TPSG1: variants seen among roughly 807,000 people sequenced by gnomAD.
The protein encoded by TPSG1 is tryptase gamma.
Under a neutral mutation model 23.8 loss-of-function variants are expected in TPSG1, and 43 were observed. That is an observed-to-expected ratio of 1.81 (90% confidence interval 1.42 to 2.33). The LOEUF is 2.33. TPSG1 is among the 30% of genes most tolerant of loss of function. The pLI is 0.00. For synonymous variants in TPSG1, 302 were observed against 201.3 expected (o/e 1.50, Z -4.23); for missense variants, 623 against 438.6 (o/e 1.42, Z -3.75).
At chr16:1,224,182 T>C (rs895877514) in intron 2 of TPSG1, 1 of 204,668 alleles carries the variant, frequency 4.9e-6, no homozygotes, top group African/African-American at 2.4e-5. Flanking sequence ...GTGCTGGTGA[T>C]GGAGTGTGGC....
rs780522751 is a variant in TPSG1, at chr16:1,222,345, G to C, written c.512-4C>G. 48 of 1,586,578 alleles carry C rather than the reference G, an allele frequency of 3.0e-5. No homozygotes were observed. The African/African-American group carries it at 6.2e-4, about 20-fold the overall frequency. On this transcript the variant is annotated splice_polypyrimidine_tract_variant and splice_region_variant and intron_variant, in intron 4 of 5. Coordinates refer to ENST00000234798, the MANE Select transcript of TPSG1 (RefSeq NM_012467.4). ...CTGTACGGGGGTGGCAGAGGCTCTG[G>C]GGTGGGGGGAACAGGCTTCAGAGAA...
intron 3 of TPSG1, 86 bp from the exon 4 acceptor site, chr16:1,223,003 G>C: frequency 7.0e-7 from 1 of 1,424,452 alleles, no homozygotes; most frequent in Admixed American, 2.4e-5. Context: ...ACCCTTGCAG[G>C]CATCCGAAGC....
rs1970490772 is a variant in TPSG1 at position 1,221,696 on chromosome 16, T to A, written c.*92A>T. 1 of 1,262,106 alleles carries A rather than the reference T, an allele frequency of 7.9e-7. No homozygotes were observed. Among genetic ancestry groups the A allele is most frequent in the African/African-American group, 1.5e-5 (1 of 66,656 alleles). 78.2% of individuals were successfully genotyped at this position (1,262,106 alleles called of 1,614,324 possible). On this transcript the variant is annotated 3_prime_UTR_variant, in exon 6 of 6. Transcript: ENST00000234798. ...ATTCAGGTTAAATGTTGCAATAATC[T>A]GATGCAGAAGACTCAGCTTCTCAAG...
At chr16:1,224,240 T>C (rs949769331) in intron 2 of TPSG1, 3 of 261,098 alleles carry the variant, frequency 1.1e-5, no homozygotes, top group Non-Finnish European at 2.2e-5. Flanking sequence ...GACAGAGATG[T>C]TTATAGATAG....
rs918125661 is a variant in TPSG1 at position 1,221,659 on chromosome 16, G to A, written c.*129C>T. The A allele has an allele frequency of 2.0e-5, 21 of 1,026,600 alleles. No homozygotes were observed. The highest frequency in any genetic ancestry group is 4.9e-5 in the African/African-American group (3 of 61,608). The allele number at this position is 1,026,600 out of a possible 1,614,324, so 63.6% of individuals were successfully genotyped here. ...AGATTCCCATTGACACCTTTGTTTC[G>A]TGTGCTTTTAAATTCAGGTTAAATG... On this transcript the variant is annotated 3_prime_UTR_variant, in exon 6 of 6. Coordinates refer to ENST00000234798, the MANE Select transcript of TPSG1 (RefSeq NM_012467.4).
rs374132745 is a variant in TPSG1, at chr16:1,222,734, G to T, written c.429C>A (p.Pro143=). The T allele has an allele frequency of 7.4e-6, 12 of 1,611,126 alleles. No individual in the cohort carries two copies. Among genetic ancestry groups the T allele is most frequent in the Non-Finnish European group, 1.0e-5 (12 of 1,178,710 alleles). ...VPVTLSSRIL[P]VCLPEASDDF... is the part of the protein sequence containing the mutation. Reference sequence around the variant, plus strand: ...CATCTGAGGCCTCCGGGAGGCAGACGGGCAGGATCCGGCTGGAGAGGGTCA... The same window carrying T: ...CATCTGAGGCCTCCGGGAGGCAGACTGGCAGGATCCGGCTGGAGAGGGTCA... The change falls in exon 4 of 6, where the codon CCC becomes CCA. Residue 143 remains proline (P), a synonymous_variant. Coordinates refer to ENST00000234798, the MANE Select transcript of TPSG1 (RefSeq NM_012467.4).
chr16:1,223,915 A>C, intron 2 of TPSG1: 5 of 380,106 alleles, frequency 1.3e-5, no homozygotes, highest in Non-Finnish European at 1.9e-5. Flanking sequence ...GCCCCCGAGA[A>C]GGCCCGGGGT....
In TPSG1 at chr16:1,222,794, G is replaced by T. The variant is rs371806021; in HGVS notation, c.369C>A (p.Ser123Arg). ...HSSPSGQPGT[S>R]GDIALVELSV... The stretch of plus-strand genomic sequence containing the variant: ...TGAGCTCCACCAGGGCGATGTCCCC[G>T]CTGGTCCCCGGCTGTCCTGAGGGGC... Residue 123 changes from serine to arginine, a missense_variant, in exon 4 of 6, where the codon AGC becomes AGA. Transcript: ENST00000234798. 6.2e-7 allele frequency: 1 copy of T among 1,612,136 alleles called. No homozygotes were observed. Among genetic ancestry groups the T allele is most frequent in the African/African-American group, 1.3e-5 (1 of 74,896 alleles).
intron 4 of TPSG1, among the ~76,000 whole-genome samples, 153 bp downstream of exon 4, chr16:1,222,499 G>A (rs907018513): frequency 2.6e-5 from 4 of 152,132 alleles, no homozygotes; most frequent in Non-Finnish European, 4.4e-5. Flanking sequence ...GGATCCACAC[G>A]ACAGGCTTTG....
At chr16:1,224,509 A>T in intron 2 of TPSG1, 93 bp downstream of exon 2, 1 of 1,555,704 alleles carries the variant, frequency 6.4e-7, no homozygotes, top group South Asian at 1.1e-5. Flanking sequence ...CCGGGCCCCC[A>T]TTGGGACCCC....
At chr16:1,222,979 C>T (rs914501611) in intron 3 of TPSG1, 62 bp from the exon 4 acceptor site, 1 of 1,498,516 alleles carries the variant, frequency 6.7e-7, no homozygotes, top group Non-Finnish European at 9.0e-7. Context: ...CAGTGTCGGC[C>T]CCGCCCAGAC....
rs1970512053 is a variant in TPSG1 at position 1,221,961 on chromosome 16, T to A, written c.793A>T (p.Ile265Phe). ...CCTGATGCTGTGATGTGGCGGCGGA[T>A]CCAGTTCACGTAGGCAGGGACACGA... is the stretch of plus-strand genomic sequence containing the variant. ...YTRVPAYVNW[I>F]RRHITASGGS... Residue 265 changes from isoleucine (I) to phenylalanine (F), a missense_variant, in exon 6 of 6, where the codon ATC becomes TTC. Ile to Phe is a conservative substitution (Grantham distance 21). Transcript: ENST00000234798. 6.2e-7 allele frequency: 1 copy of A among 1,612,036 alleles called. No homozygotes were observed. Among genetic ancestry groups the A allele is most frequent in the African/African-American group, 1.3e-5 (1 of 74,882 alleles).
Position 1,221,737 on chromosome 16 carries a change from G to A in TPSG1, c.*51C>T, listed in dbSNP as rs776285307. ...GCTTCTCAAGGGAGAGGGAGGGGGC[G>A]GAGCGGAATAAATAGTAACTTATTT... On this transcript the variant is annotated 3_prime_UTR_variant, in exon 6 of 6. Coordinates refer to ENST00000234798, the MANE Select transcript of TPSG1 (RefSeq NM_012467.4). 26 of 1,496,818 alleles carry A rather than the reference G, an allele frequency of 1.7e-5. No individual in the cohort carries two copies. In the South Asian group the frequency reaches 2.2e-4, roughly 13 times the overall value. 92.7% of individuals were successfully genotyped at this position (1,496,818 alleles called of 1,614,324 possible).
chr16:1,224,435 C>A (rs1382530452), intron 2 of TPSG1, among the ~76,000 whole-genome samples, 167 bp downstream of exon 2: 1 of 152,080 alleles, frequency 6.6e-6, no homozygotes, highest in Non-Finnish European at 1.5e-5. Context: ...CTGCAGCACA[C>A]CCCGACCAGC....
intron 1 of TPSG1, 33 bp downstream of exon 1, chr16:1,225,174 C>T (rs373617417): frequency 3.8e-6 from 6 of 1,558,656 alleles, no homozygotes; most frequent in Non-Finnish European, 4.3e-6. Context: ...AGCAGATGCC[C>T]CCCCATCCCC....
intron 1 of TPSG1, 125 bp downstream of exon 1, chr16:1,225,082 G>A: frequency 8.0e-7 from 1 of 1,245,062 alleles, no homozygotes; most frequent in Non-Finnish European, 1.1e-6. Flanking sequence ...GGAGACACGG[G>A]GCCCCACAGG....
In TPSG1 at chr16:1,221,917, G is replaced by A. The variant is rs1222916847; in HGVS notation, c.837C>T (p.Tyr279=). Residue 279 remains tyrosine, a synonymous_variant, in exon 6 of 6, where the codon TAC becomes TAT. Transcript: ENST00000234798. ...AGCCAGCCAGGAGGGGGAGCCTGGG[G>A]TACCCAGACTCTGAGCCCCCTGATG... The part of the protein sequence containing the change: ...ITASGGSESG[Y]PRLPLLAGFF... The A allele has an allele frequency of 1.2e-6, 2 of 1,611,678 alleles. No individual in the cohort carries two copies. The highest frequency in any genetic ancestry group is 2.2e-5 in the East Asian group (1 of 44,846).
rs990719664 is a variant in TPSG1, at chr16:1,222,682, C to T, written c.481G>A (p.Val161Met). Reference protein sequence around the residue: ...DDFCPGIRCWVTGWGYTREGE... With the variant: ...DDFCPGIRCWMTGWGYTREGE... ...TCCCGCGTATAGCCCCAGCCGGTCA[C>T]CCAGCACCGGATCCCAGGGCAGAAG... is the stretch of plus-strand genomic sequence containing the variant. Residue 161 changes from valine to methionine, a missense_variant, in exon 4 of 6, where the codon GTG (valine) becomes ATG (methionine). Val to Met is a conservative substitution (Grantham distance 21, BLOSUM62 1). Transcript: ENST00000234798. The T allele has an allele frequency of 3.8e-6, 6 of 1,585,014 alleles. No individual in the cohort carries two copies. Among genetic ancestry groups the T allele is most frequent in the South Asian group, 1.1e-5 (1 of 88,640 alleles).
At position 1,221,886 on chromosome 16, in the gene TPSG1, G is replaced by A. The variant is rs1970505851; in HGVS notation, c.868C>T (p.Leu290Phe). The change falls in exon 6 of 6, where the codon CTC becomes TTC. Residue 290 changes from leucine to phenylalanine, a missense_variant. Leu to Phe is a conservative substitution (Grantham distance 22). Coordinates refer to ENST00000234798, the MANE Select transcript of TPSG1 (RefSeq NM_012467.4). Reference protein sequence around the residue: ...PRLPLLAGFFLPGLFLLLVSC... With the variant: ...PRLPLLAGFFFPGLFLLLVSC... Reference sequence around the variant, plus strand: ...ACTAGCAGAAGGAAGAGGCCGGGGAGGAAGAAGCCAGCCAGGAGGGGGAGC... The same window carrying A: ...ACTAGCAGAAGGAAGAGGCCGGGGAAGAAGAAGCCAGCCAGGAGGGGGAGC... 6.2e-7 allele frequency: 1 copy of A among 1,611,770 alleles called. No homozygotes were observed. Among genetic ancestry groups the A allele is most frequent in the Non-Finnish European group, 8.5e-7 (1 of 1,179,374 alleles).
Sources: gnomAD v4.1 joint callset for allele counts (sites outside exome capture counted in the v4.1 genomes callset) on GRCh38, gnomAD v4.1.1 for gene constraint, MANE v1.5 for transcripts, NCBI Gene and HGNC (gene_info 2026-07-23, HGNC 2026-07-21) for gene names.